PPP2R1A: variants seen among roughly 807,000 people sequenced by gnomAD.
PPP2R1A encodes the protein serine/threonine-protein phosphatase 2A 65 kDa regulatory subunit A alpha isoform.
In PPP2R1A, 15 loss-of-function variants were observed where a neutral mutation model predicts 67.1. The observed-to-expected ratio is 0.22, with a 90% CI of 0.15 to 0.34. The LOEUF (loss-of-function observed/expected upper bound fraction) is 0.34. Among genes scored for constraint, PPP2R1A ranks in the 10% least tolerant of loss-of-function variants. The pLI is 1.00. For synonymous variants in PPP2R1A, 337 were observed against 325.0 expected (o/e 1.04, Z -0.40); for missense variants, 369 against 775.0 (o/e 0.48, Z 6.22).
At position 52,216,710 on chromosome 19, in the gene PPP2R1A, G is replaced by C. The variant is rs773352879; in HGVS notation, c.1128+47G>C. Reference sequence around the variant, plus strand: ...CTCTGGGTTTGTGGAGGGGACAGGCGGGTCTTCCTAGATTGCTAGGGTTTA... The same window carrying C: ...CTCTGGGTTTGTGGAGGGGACAGGCCGGTCTTCCTAGATTGCTAGGGTTTA... On this transcript the variant is annotated intron_variant, in intron 9 of 14. Coordinates refer to ENST00000322088, the MANE Select transcript of PPP2R1A (RefSeq NM_014225.6). The surrounding 1 kb of genome is among the most constrained non-coding windows in gnomAD (Gnocchi z 4.3). The C allele has an allele frequency of 1.3e-5, 21 of 1,613,292 alleles. No individual in the cohort carries two copies. Among genetic ancestry groups the C allele is most frequent in the Non-Finnish European group, 1.7e-5 (20 of 1,179,548 alleles).
intron 1 of PPP2R1A, among the ~76,000 whole-genome samples, chr19:52,192,464 C>T (rs1483752760): frequency 6.6e-5 from 10 of 151,992 alleles, no homozygotes; most frequent in South Asian, 2.1e-4. Context: ...CAGGCCACCA[C>T]GCCTGGCTGA....
intron 3 of PPP2R1A, among the ~76,000 whole-genome samples, chr19:52,208,175 GT>G (rs1287101782): frequency 8.6e-5 from 13 of 151,998 alleles, no homozygotes; most frequent in African/African-American, 2.7e-4. Context: ...TGTTTGTTTT[GT>G]TTTTTTCCCG....
At chr19:52,220,150 C>T in intron 10 of PPP2R1A, 39 bp from the exon 11 acceptor site, 1 of 1,602,900 alleles carries the variant, frequency 6.2e-7, no homozygotes. Context: ...GTTTGCTCTC[C>T]TGGAACGCTT....
At chr19:52,217,032 AT>A (rs1254241133) in intron 9 of PPP2R1A, among the ~76,000 whole-genome samples, 1 of 152,156 alleles carries the variant, frequency 6.6e-6, no homozygotes, top group Non-Finnish European at 1.5e-5. Flanking sequence ...TCTGCTAAAA[AT>A]GCAAAAATTA....
At chr19:52,198,240 G>C (rs1462330311) in intron 1 of PPP2R1A, among the ~76,000 whole-genome samples, 1 of 152,198 alleles carries the variant, frequency 6.6e-6, no homozygotes, top group Non-Finnish European at 1.5e-5. Flanking sequence ...AACCTGGACA[G>C]TGCAGCTCTG....
rs145575477 is a variant in PPP2R1A, at chr19:52,218,524, C to A, written c.1129-1167C>A. Among the ~76,000 whole-genome samples, 229 of 152,194 alleles carry A rather than the reference C, an allele frequency of 1.5e-3. 3 individuals are homozygous for A. Among genetic ancestry groups the A allele is most frequent in the African/African-American group, 5.2e-3 (215 of 41,522 alleles). On this transcript the variant is annotated intron_variant, in intron 9 of 14. Transcript: ENST00000322088. Reference sequence around the variant, plus strand: ...TACGTCAGTTGCTAAAAGTCTGAATCTTCATTAGTGTTCATGACAAATTTT... The same window carrying A: ...TACGTCAGTTGCTAAAAGTCTGAATATTCATTAGTGTTCATGACAAATTTT...
intron 13 of PPP2R1A, among the ~76,000 whole-genome samples, chr19:52,224,420 C>G (rs1056604798): frequency 8.5e-5 from 13 of 152,252 alleles, no homozygotes; most frequent in African/African-American, 3.1e-4. Flanking sequence ...TACCACTCCC[C>G]TCTTACGTAC....
In PPP2R1A at chr19:52,216,395, C is replaced by A; in HGVS notation, c.994-134C>A. ...ATAAGGAATAGTGATTTCCCCTGTA[C>A]CCTAAGCCATCCCCTGCTCTATGAA... On this transcript the variant is annotated intron_variant, in intron 8 of 14. Coordinates refer to ENST00000322088, the MANE Select transcript of PPP2R1A (RefSeq NM_014225.6). This position sits in a 1 kb window ranked among gnomAD's most constrained non-coding sequence, Gnocchi z 4.3. 2.5e-6 allele frequency: 3 copies of A among 1,218,938 alleles called. No individual in the cohort carries two copies. Among genetic ancestry groups the A allele is most frequent in the Admixed American group, 2.1e-5 (1 of 46,906 alleles). The allele number at this position is 1,218,938 out of a possible 1,614,324, so 75.5% of individuals were successfully genotyped here. A position where few individuals can be genotyped will look rare whatever the true frequency, so the allele number is the denominator to read the frequency against.
rs398035011 is a variant in PPP2R1A, at chr19:52,213,457, G to GTTTTTTTTTT, written c.807+368_807+377dup. Among the ~76,000 whole-genome samples, 2 of 71,762 alleles carry GTTTTTTTTTT rather than the reference G, an allele frequency of 2.8e-5. No individual in the cohort carries two copies. The highest frequency in any genetic ancestry group is 5.4e-5 in the African/African-American group (1 of 18,378). The allele number at this position is 71,762 out of a possible 152,430, so 47.1% of individuals were successfully genotyped here. A position where few individuals can be genotyped will look rare whatever the true frequency, so the allele number is the denominator to read the frequency against. On this transcript the variant is annotated intron_variant, in intron 6 of 14. Coordinates refer to ENST00000322088, the MANE Select transcript of PPP2R1A (RefSeq NM_014225.6). The surrounding 1 kb of genome is among the most constrained non-coding windows in gnomAD (Gnocchi z 4.2). The stretch of plus-strand genomic sequence containing the variant: ...GCCCAAAAAGGTGGGGTTTTTTGGT[G>GTTTTTTTTTT]TTTTTTTTTTTTTTTTTTTTTTTTT...
chr19:52,211,215 A>G lies in PPP2R1A; in HGVS notation c.271-45A>G. The G allele has an allele frequency of 6.3e-7, 1 of 1,577,808 alleles. No homozygotes were observed. The highest frequency in any genetic ancestry group is 2.3e-4 in the Middle Eastern group (1 of 4,360). On this transcript the variant is annotated intron_variant, in intron 3 of 14. Coordinates refer to ENST00000322088, the MANE Select transcript of PPP2R1A (RefSeq NM_014225.6). The surrounding 1 kb of genome is among the most constrained non-coding windows in gnomAD (Gnocchi z 5.3). ...GCAGGATGGGGCTCCAGGGCTGCGG[A>G]TGGTGGAGAGGGAGCTGTCCAGTGA... is the stretch of plus-strand genomic sequence containing the variant.
chr19:52,221,196 A>T (rs548901453), intron 12 of PPP2R1A, 63 bp downstream of exon 12: 12 of 1,597,852 alleles, frequency 7.5e-6, no homozygotes, highest in Non-Finnish European at 8.6e-6. Context: ...GAGAGGAGGG[A>T]TGCTAGAGGG....
In PPP2R1A at chr19:52,216,961, G is replaced by A. The variant is rs773623998; in HGVS notation, c.1128+298G>A. Among the ~76,000 whole-genome samples the A allele has an allele frequency of 9.6e-4, 146 of 152,242 alleles. No individual in the cohort carries two copies. Among genetic ancestry groups the A allele is most frequent in the Admixed American group, 1.8e-3 (28 of 15,298 alleles). On this transcript the variant is annotated intron_variant, in intron 9 of 14. Transcript: ENST00000322088. The surrounding 1 kb of genome is among the most constrained non-coding windows in gnomAD (Gnocchi z 4.3). ...TCCCAGCACTTTGGGAGGCTGAGGC[G>A]GGTGGATCACCTGAGGTCAGGAGTT...
At chr19:52,208,718 T>A (rs532178413) in intron 3 of PPP2R1A, among the ~76,000 whole-genome samples, 10 of 151,862 alleles carry the variant, frequency 6.6e-5, no homozygotes, top group Admixed American at 2.6e-4. Context: ...CAGGCTGGTC[T>A]AGAACTCCTG....
chr19:52,216,173 TC>T lies in PPP2R1A; in HGVS notation c.993+102del. On this transcript the variant is annotated intron_variant, in intron 8 of 14. Transcript: ENST00000322088. This position sits in a 1 kb window ranked among gnomAD's most constrained non-coding sequence, Gnocchi z 4.3. The stretch of plus-strand genomic sequence containing the variant: ...GGGGATAGTCAGCTGCAAACTAGGT[TC>T]CCAGCCCTCTGGGACCAGGCAGCTC... 1 of 1,351,650 alleles carries T rather than the reference TC, an allele frequency of 7.4e-7. No individual in the cohort carries two copies. Among genetic ancestry groups the T allele is most frequent in the Middle Eastern group, 1.8e-4 (1 of 5,494 alleles). The allele number at this position is 1,351,650 out of a possible 1,614,324, so 83.7% of individuals were successfully genotyped here.
chr19:52,225,966 T>C lies in PPP2R1A; in HGVS notation c.1755T>C (p.Val585=). 1 of 1,614,178 alleles carries C rather than the reference T, an allele frequency of 6.2e-7. No individual in the cohort carries two copies. Among genetic ancestry groups the C allele is most frequent in the South Asian group, 1.1e-5 (1 of 91,090 alleles). Residue 585 remains valine (V), a splice_region_variant and synonymous_variant, in exon 15 of 15, where the codon GTT becomes GTC. Transcript: ENST00000322088. The part of the protein sequence containing the change: ...VKYFAQEALT[V]LSLA ...TCTTGCCTGTTCCTGTTTTCCTAGT[T>C]CTGTCTCTCGCCTGATGCTGGAAGA...
chr19:52,223,726 CAT>C (rs746184588), intron 13 of PPP2R1A, among the ~76,000 whole-genome samples: 83 of 152,298 alleles, frequency 5.4e-4, no homozygotes, highest in Admixed American at 1.4e-3. Context: ...ATGGTGAAGA[CAT>C]AGAAGAGCTG....
intron 3 of PPP2R1A, among the ~76,000 whole-genome samples, chr19:52,206,987 T>G (rs1186964522): frequency 1.3e-5 from 2 of 152,200 alleles, no homozygotes; most frequent in African/African-American, 4.8e-5. Context: ...TAAAGAATGG[T>G]GCTTATCATT....
rs895028717 is a variant in PPP2R1A at position 52,190,092 on chromosome 19, C to T, written c.-5C>T. The stretch of plus-strand genomic sequence containing the variant: ...GCAGTCTGACAGGAAAGGGACGGAG[C>T]CAAGATGGCGGCGGCCGACGGCGAC... On this transcript the variant is annotated 5_prime_UTR_variant, in exon 1 of 15. Transcript: ENST00000322088. The T allele has an allele frequency of 6.5e-7, 1 of 1,549,974 alleles. No homozygotes were observed. Among genetic ancestry groups the T allele is most frequent in the African/African-American group, 1.4e-5 (1 of 72,828 alleles).
chr19:52,196,686 T>C (rs1470131784), intron 1 of PPP2R1A, among the ~76,000 whole-genome samples: 1 of 152,216 alleles, frequency 6.6e-6, no homozygotes, highest in Non-Finnish European at 1.5e-5. Context: ...AGTTTCTATC[T>C]GACTGATGAC....
Sources: allele counts gnomAD v4.1 joint callset (sites outside exome capture counted in the v4.1 genomes callset), GRCh38; gene constraint gnomAD v4.1.1; non-coding constraint Gnocchi (gnomAD v3.1); transcripts MANE v1.5; gene names NCBI Gene and HGNC (gene_info 2026-07-23, HGNC 2026-07-21).